MICAL3: variants seen among roughly 807,000 people sequenced by gnomAD.
The protein encoded by MICAL3 is [F-actin]-monooxygenase MICAL3.
Under a neutral mutation model 207.4 loss-of-function variants are expected in MICAL3, and 62 were observed. The ratio of observed to expected loss-of-function variants is 0.30; its 90% confidence interval spans 0.24 to 0.37. The LOEUF (loss-of-function observed/expected upper bound fraction) is 0.37. MICAL3 is among the 10% of genes least tolerant of loss of function. The pLI, the probability that MICAL3 is intolerant of heterozygous loss-of-function variation, is 1.00. For missense variants in MICAL3, 2,368 were observed against 2,635.6 expected, an observed-to-expected ratio of 0.90 and a Z score of 2.22; for synonymous variants, 1,077 against 1,069.3, an observed-to-expected ratio of 1.01 and a Z score of -0.14.
At chr22:17,911,907 C>T (rs942468395) in intron 1 of MICAL3, among the ~76,000 whole-genome samples, 1 of 89,452 alleles carries the variant, frequency 1.1e-5, no homozygotes, top group African/African-American at 1.3e-4. Flanking sequence ...GGACCCAAAT[C>T]GCCAACATGC....
At chr22:17,823,695 CGT>C (rs1291820563) in intron 22 of MICAL3, among the ~76,000 whole-genome samples, 1 of 152,178 alleles carries the variant, frequency 6.6e-6, no homozygotes, top group Non-Finnish European at 1.5e-5. Flanking sequence ...AAATACATTT[CGT>C]GTTTAGACTT....
intron 1 of MICAL3, among the ~76,000 whole-genome samples, chr22:17,951,330 C>T (rs1398761700): frequency 6.6e-6 from 1 of 152,138 alleles, no homozygotes; most frequent in Non-Finnish European, 1.5e-5. Context: ...CATCTTCATG[C>T]TTACAAAATG....
chr22:17,923,342 T>C (rs1352756436), intron 1 of MICAL3, among the ~76,000 whole-genome samples: 1 of 152,224 alleles, frequency 6.6e-6, no homozygotes, highest in East Asian at 1.9e-4. Context: ...AAAAACCAAC[T>C]GCCATGACCT....
In MICAL3 at chr22:17,819,019, C is replaced by T. The variant is rs780735319; in HGVS notation, c.3642G>A (p.Ser1214=). 8.7e-6 allele frequency: 14 copies of T among 1,606,710 alleles called. No homozygotes were observed. The highest frequency in any genetic ancestry group is 1.7e-4 in the Middle Eastern group (1 of 6,024). ...TGGGAGAGTGCACAGCTTTCAGATC[C>T]GAGGGGGCATCAGCTTTGGGCTTCT... The part of the protein sequence containing the change: ...PKEKPKADAP[S]DLKAVHSPIR... Residue 1214 remains serine, a synonymous_variant, in exon 26 of 32, where the codon TCG becomes TCA. Coordinates refer to ENST00000441493, the MANE Select transcript of MICAL3 (RefSeq NM_015241.3).
intron 1 of MICAL3, among the ~76,000 whole-genome samples, chr22:18,013,223 C>G (rs1602400776): frequency 6.6e-6 from 1 of 152,242 alleles, no homozygotes; most frequent in South Asian, 2.1e-4. Context: ...TTTCCAAGAC[C>G]TGGCTGTTTG....
intron 16 of MICAL3, among the ~76,000 whole-genome samples, chr22:17,873,987 C>T (rs1927992663): frequency 6.6e-6 from 1 of 152,210 alleles, no homozygotes; most frequent in Non-Finnish European, 1.5e-5. Context: ...CCCGGGGATG[C>T]CAACAGCCCC....
chr22:17,822,389 A>G (rs1921746447), intron 23 of MICAL3, among the ~76,000 whole-genome samples: 1 of 152,230 alleles, frequency 6.6e-6, no homozygotes, highest in South Asian at 2.1e-4. Context: ...GCGGGGCCGC[A>G]TCAAAGCCTG....
Position 17,846,843 on chromosome 22 carries a change from C to T in MICAL3, c.2606-4826G>A, listed in dbSNP as rs151337937. Among the ~76,000 whole-genome samples, 47 of 152,274 alleles carry T rather than the reference C, an allele frequency of 3.1e-4. No individual in the cohort carries two copies. The East Asian group carries it at 9.1e-3, about 29-fold the overall frequency. ...GGTCACAGGGAGGCCAATTACAGCC[C>T]CACACATACCACAAGGAAACAGCTC... On this transcript the variant is annotated intron_variant, in intron 19 of 31. Coordinates refer to ENST00000441493, the MANE Select transcript of MICAL3 (RefSeq NM_015241.3).
At chr22:17,975,246 GGGAAGT>G (rs968497343) in intron 1 of MICAL3, among the ~76,000 whole-genome samples, 46 of 152,238 alleles carry the variant, frequency 3.0e-4, no homozygotes, top group African/African-American at 1.1e-3. Context: ...ATCGTGTGAT[GGGAAGT>G]GGCTCTACTC....
chr22:17,839,181 T>C lies in MICAL3; in HGVS notation c.2801+2641A>G, dbSNP rs374587467. ...TACTGCTGCTCTCAAACTCCTGGGC[T>C]CAGGTGATCTGCCTGCTTTGGCCTC... On this transcript the variant is annotated intron_variant, in intron 20 of 31. Transcript: ENST00000441493. Among the ~76,000 whole-genome samples the C allele has an allele frequency of 7.9e-5, 12 of 151,780 alleles. No individual in the cohort carries two copies. The East Asian group carries it at 1.7e-3, about 22-fold the overall frequency.
At chr22:17,980,287 G>C (rs1305586342) in intron 1 of MICAL3, among the ~76,000 whole-genome samples, 1 of 152,184 alleles carries the variant, frequency 6.6e-6, no homozygotes, top group African/African-American at 2.4e-5. Context: ...GGGAAATAAA[G>C]ACGGAAAGGG....
At chr22:17,925,232 G>A (rs1021896366) in intron 1 of MICAL3, among the ~76,000 whole-genome samples, 2 of 152,166 alleles carry the variant, frequency 1.3e-5, no homozygotes, top group African/African-American at 4.8e-5. Flanking sequence ...CCTCTGAAGG[G>A]CTCGGCCAGG....
chr22:17,791,404 G>A, intron 29 of MICAL3, 103 bp from the exon 30 acceptor site: 3 of 1,023,784 alleles, frequency 2.9e-6, no homozygotes, highest in East Asian at 2.6e-5. Context: ...GCAAGATGCT[G>A]CCGGAACTTC....
At chr22:17,871,351 G>A (rs1927705930) in intron 17 of MICAL3, among the ~76,000 whole-genome samples, 1 of 152,192 alleles carries the variant, frequency 6.6e-6, no homozygotes, top group Non-Finnish European at 1.5e-5. Flanking sequence ...AGAGAGATCA[G>A]ACAGATGCCA....
intron 1 of MICAL3, among the ~76,000 whole-genome samples, chr22:17,953,018 G>A (rs1050731600): frequency 2.6e-5 from 4 of 152,186 alleles, no homozygotes; most frequent in East Asian, 3.8e-4. Context: ...CCCTGACATC[G>A]GGAAAGTGAC....
chr22:17,906,399 G>A (rs1931721733), intron 2 of MICAL3, 150 bp downstream of exon 2: 2 of 1,517,608 alleles, frequency 1.3e-6, no homozygotes, highest in East Asian at 2.3e-5. Context: ...CCTGGATATG[G>A]TCGATGGCTC....
At chr22:17,846,310 G>C (rs1017920678) in intron 19 of MICAL3, among the ~76,000 whole-genome samples, 1 of 152,096 alleles carries the variant, frequency 6.6e-6, no homozygotes, top group Non-Finnish European at 1.5e-5. Flanking sequence ...GGTACTCAGA[G>C]GACACTGGGC....
At chr22:17,872,903 GA>G (rs776324591) in intron 16 of MICAL3, 5 of 1,174,500 alleles carry the variant, frequency 4.3e-6, no homozygotes, top group Non-Finnish European at 5.1e-6. Context: ...AAATGAGAAG[GA>G]AAAAAATACA....
At chr22:17,874,298 C>G (rs1406093963) in intron 16 of MICAL3, among the ~76,000 whole-genome samples, 1 of 152,152 alleles carries the variant, frequency 6.6e-6, no homozygotes, top group Non-Finnish European at 1.5e-5. Flanking sequence ...ACTAAAGAAA[C>G]TGAGGCTTGG....
Sources: gnomAD v4.1 joint callset for allele counts (sites outside exome capture counted in the v4.1 genomes callset) on GRCh38, gnomAD v4.1.1 for gene constraint, MANE v1.5 for transcripts, NCBI Gene and HGNC (gene_info 2026-07-23, HGNC 2026-07-21) for gene names.